The following ITPRID1 variants were observed in gnomAD, a reference collection of about 807,000 sequenced individuals.
ITPRID1 encodes the protein ITPR interacting domain containing 1, also known as protein ITPRID1.
Under a neutral mutation model 95.4 loss-of-function variants are expected in ITPRID1, and 96 were observed. The observed-to-expected ratio is 1.01, with a 90% CI of 0.85 to 1.19. The LOEUF is 1.19. Ranked by LOEUF, ITPRID1 falls within the 50% of genes most tolerant of loss-of-function variation. The pLI is 0.00. For missense variants in ITPRID1, 1,339 were observed against 1,252.9 expected (o/e 1.07, Z -1.04); for synonymous variants, 510 against 453.6 (o/e 1.12, Z -1.58).
chr7:31,650,469 G>T (rs1008225886), intron 12 of ITPRID1, among the ~76,000 whole-genome samples: 13 of 152,294 alleles, frequency 8.5e-5, no homozygotes, highest in Admixed American at 3.3e-4. Context: ...GAGAGAGAAA[G>T]TAAGAGTTAA....
In ITPRID1 at chr7:31,574,649, C is replaced by A. The variant is rs1304014540; in HGVS notation, c.505C>A (p.Leu169Ile). The A allele has an allele frequency of 6.2e-7, 1 of 1,613,900 alleles. No individual in the cohort carries two copies. The highest frequency in any genetic ancestry group is 1.1e-5 in the South Asian group (1 of 91,084). Residue 169 changes from leucine (L) to isoleucine (I), a missense_variant, in exon 8 of 15, where the codon CTT (leucine) becomes ATT (isoleucine). Physicochemically the swap from Leu to Ile is conservative, Grantham distance 5. Transcript: ENST00000615280. Reference protein sequence around the residue: ...DICMQIPARFLGCGSAARGIN... With the variant: ...DICMQIPARFIGCGSAARGIN... ...CTGCATGCAAATCCCAGCCAGATTC[C>A]TTGGTTGTGGCTCAGCAGCCAGAGG...
intron 1 of ITPRID1, among the ~76,000 whole-genome samples, chr7:31,514,659 C>G (rs192695534): frequency 2.0e-5 from 3 of 152,056 alleles, no homozygotes; most frequent in Non-Finnish European, 4.4e-5. Flanking sequence ...GTGAGGATAT[C>G]GCTCCAGTAT....
At chr7:31,515,989 T>A (rs1172548760) in intron 1 of ITPRID1, among the ~76,000 whole-genome samples, 6 of 151,008 alleles carry the variant, frequency 4.0e-5, no homozygotes, top group Non-Finnish European at 5.9e-5. Flanking sequence ...TTCATAATAG[T>A]TTTTTTTTGC....
At chr7:31,615,262 G>GA (rs545817081) in intron 10 of ITPRID1, among the ~76,000 whole-genome samples, 56 of 152,156 alleles carry the variant, frequency 3.7e-4, no homozygotes, top group Admixed American at 9.8e-4. Context: ...TGCTTTAATG[G>GA]AAAAAACATG....
chr7:31,552,060 T>A, intron 2 of ITPRID1: 1 of 332,676 alleles, frequency 3.0e-6, no homozygotes, highest in Non-Finnish European at 6.1e-6. Context: ...CTTGTTCTCA[T>A]GGTGCTTATA....
Position 31,651,280 on chromosome 7 carries a change from A to G in ITPRID1, c.2711+11A>G. On this transcript the variant is annotated intron_variant, in intron 13 of 14. Transcript: ENST00000615280. ...GTCAGAGGAGGAAAGGTAATTACCT[A>G]AGGGAGCCATAAAAGTAAGTACCAG... 6.2e-7 allele frequency: 1 copy of G among 1,611,532 alleles called. No individual in the cohort carries two copies. Among genetic ancestry groups the G allele is most frequent in the Non-Finnish European group, 8.5e-7 (1 of 1,178,598 alleles).
chr7:31,579,279 T>C (rs907068002), intron 9 of ITPRID1, among the ~76,000 whole-genome samples: 5 of 152,178 alleles, frequency 3.3e-5, no homozygotes, highest in African/African-American at 1.2e-4. Context: ...AACTGTGTTA[T>C]TTAGTATAAT....
chr7:31,542,384 A>AT (rs1324174870), intron 1 of ITPRID1, among the ~76,000 whole-genome samples: 2 of 152,138 alleles, frequency 1.3e-5, no homozygotes, highest in Non-Finnish European at 1.5e-5. Flanking sequence ...CCTTTTATAC[A>AT]TTTTTTTACG....
chr7:31,572,404 T>C (rs1221850950), intron 7 of ITPRID1, among the ~76,000 whole-genome samples: 1 of 151,578 alleles, frequency 6.6e-6, no homozygotes, highest in Non-Finnish European at 1.5e-5. Flanking sequence ...GCCAAATGAG[T>C]GATTGGCCAG....
intron 1 of ITPRID1, among the ~76,000 whole-genome samples, chr7:31,536,041 G>A (rs961838385): frequency 3.9e-5 from 6 of 152,050 alleles, no homozygotes; most frequent in African/African-American, 1.2e-4. Context: ...AAAATATCAG[G>A]CTATTATGAT....
At position 31,652,528 on chromosome 7, in the gene ITPRID1, T is replaced by C. The variant is rs186386347; in HGVS notation, c.2834T>C (p.Val945Ala). The change falls in exon 15 of 15, where the codon GTT becomes GCT. Residue 945 changes from valine to alanine, a missense_variant. By Grantham distance (64) the Val-to-Ala change is moderately conservative. Coordinates refer to ENST00000615280, the MANE Select transcript of ITPRID1 (RefSeq NM_001257967.3). ...TTGTTTTCCTTTTAGCAGCTGGAGG[T>C]TCTCACAGCAGAGCCACCTGAACAC... ...IREGILLQLE[V>A]LTAEPPEHYS... 8 of 1,596,078 alleles carry C rather than the reference T, an allele frequency of 5.0e-6. No individual in the cohort carries two copies. The highest frequency in any genetic ancestry group is 6.8e-6 in the Non-Finnish European group (8 of 1,169,740).
chr7:31,631,913 T>C (rs1789036000), intron 10 of ITPRID1, among the ~76,000 whole-genome samples: 1 of 152,184 alleles, frequency 6.6e-6, no homozygotes, highest in South Asian at 2.1e-4. Flanking sequence ...TCAAGATATA[T>C]ACAAGCTCCG....
At chr7:31,557,122 C>T (rs1784474496) in intron 5 of ITPRID1, among the ~76,000 whole-genome samples, 2 of 151,890 alleles carry the variant, frequency 1.3e-5, no homozygotes, top group Admixed American at 6.6e-5. Context: ...CCAGTATGAT[C>T]TCATCTTAAC....
At chr7:31,575,834 G>A (rs554351039) in intron 8 of ITPRID1, among the ~76,000 whole-genome samples, 10 of 151,946 alleles carry the variant, frequency 6.6e-5, no homozygotes, top group African/African-American at 9.7e-5. Context: ...TTTAGCTCCC[G>A]TTTCTCCGTT....
At chr7:31,575,734 TAAAC>T (rs1050629905) in intron 8 of ITPRID1, among the ~76,000 whole-genome samples, 13 of 152,284 alleles carry the variant, frequency 8.5e-5, no homozygotes, top group African/African-American at 2.6e-4. Context: ...TTCTTTTAAA[TAAAC>T]AAATTCACTA....
intron 9 of ITPRID1, among the ~76,000 whole-genome samples, chr7:31,582,863 ATAT>A (rs1475942075): frequency 3.9e-5 from 6 of 152,178 alleles, no homozygotes; most frequent in Admixed American, 3.9e-4. Flanking sequence ...TAGAATAGAA[ATAT>A]TATTATGTAA....
intron 5 of ITPRID1, among the ~76,000 whole-genome samples, chr7:31,565,491 T>G (rs1784766730): frequency 6.6e-6 from 1 of 152,116 alleles, no homozygotes. Flanking sequence ...AACCCAGCAC[T>G]TTGGGAAGCC....
At chr7:31,571,301 C>T (rs1784979168) in intron 6 of ITPRID1, among the ~76,000 whole-genome samples, 1 of 152,212 alleles carries the variant, frequency 6.6e-6, no homozygotes, top group African/African-American at 2.4e-5. Flanking sequence ...ACTGGGATTA[C>T]AGGCGTGGCC....
chr7:31,516,932 C>T (rs1382330643), intron 1 of ITPRID1, among the ~76,000 whole-genome samples: 3 of 152,220 alleles, frequency 2.0e-5, no homozygotes, highest in South Asian at 2.1e-4. Flanking sequence ...ACGTTCGGAC[C>T]TGTCCGGAGT....
Sources: gnomAD v4.1 joint callset for allele counts (sites outside exome capture counted in the v4.1 genomes callset) on GRCh38, gnomAD v4.1.1 for gene constraint, MANE v1.5 for transcripts, NCBI Gene and HGNC (gene_info 2026-07-23, HGNC 2026-07-21) for gene names.